Variants in CFAP44 observed in about 807,000 individuals in gnomAD.
The protein encoded by CFAP44 is cilia and flagella associated protein 44.
A neutral mutation model predicts 216.2 loss-of-function variants in CFAP44; 134 were observed. The ratio of observed to expected loss-of-function variants is 0.62; its 90% CI spans 0.54 to 0.72. The LOEUF is 0.72. Among genes scored for constraint, CFAP44 ranks in the 30% least tolerant of loss-of-function variants. CFAP44 has a pLI of 0.00. For missense variants in CFAP44, 2,035 were observed against 2,182.1 expected, an observed-to-expected ratio of 0.93 and a Z score of 1.34; for synonymous variants, 700 against 727.6, an observed-to-expected ratio of 0.96 and a Z score of 0.61.
rs1477986630 is a variant in CFAP44 at position 113,366,078 on chromosome 3, C to T, written c.2676G>A (p.Met892Ile). Reference protein sequence around the residue: ...IFVFNIFSEFMLRKDMKAKVP... With the variant: ...IFVFNIFSEFILRKDMKAKVP... ...CTTTGGCCTTCATGTCTTTCCTTAG[C>T]ATAAATTCAGAAAAAATGTTGAAAA... is the stretch of plus-strand genomic sequence containing the variant. Residue 892 changes from methionine (M) to isoleucine (I), a missense_variant, in exon 19 of 35, where the codon ATG (methionine) becomes ATA (isoleucine). Physicochemically the swap from Met to Ile is conservative, Grantham distance 10 (BLOSUM62 1). Coordinates refer to ENST00000393845, the MANE Select transcript of CFAP44 (RefSeq NM_001164496.2). 6.2e-7 allele frequency: 1 copy of T among 1,613,538 alleles called. No individual in the cohort carries two copies. The highest frequency in any genetic ancestry group is 1.3e-5 in the African/African-American group (1 of 74,884).
chr3:113,381,217 T>C (rs1933499222), intron 15 of CFAP44, among the ~76,000 whole-genome samples, 157 bp from the exon 16 acceptor site: 1 of 152,122 alleles, frequency 6.6e-6, no homozygotes, highest in Admixed American at 6.5e-5. Context: ...TCAAGTTTAT[T>C]AATAATTATT....
chr3:113,403,755 C>A, intron 9 of CFAP44, 97 bp downstream of exon 9: 1 of 1,355,000 alleles, frequency 7.4e-7, no homozygotes, highest in East Asian at 2.5e-5. Flanking sequence ...GACTACTGAT[C>A]TCCTTCACAA....
At chr3:113,294,111 A>T in intron 34 of CFAP44, 2 of 455,070 alleles carry the variant, frequency 4.4e-6, no homozygotes, top group Non-Finnish European at 4.4e-6. Context: ...TGTTAAGTAT[A>T]TAACATAGAG....
intron 2 of CFAP44, among the ~76,000 whole-genome samples, chr3:113,431,640 C>A (rs1019001274): frequency 1.3e-5 from 2 of 152,040 alleles, no homozygotes; most frequent in African/African-American, 2.4e-5. Flanking sequence ...AGGTAGAAAT[C>A]CATGTTGCAA....
At chr3:113,419,455 A>G (rs187582136) in intron 5 of CFAP44, among the ~76,000 whole-genome samples, 13 of 152,332 alleles carry the variant, frequency 8.5e-5, no homozygotes, top group African/African-American at 2.9e-4. Flanking sequence ...TGAACTTATT[A>G]ATTAGTCTTA....
Position 113,338,255 on chromosome 3 carries a change from C to CAAAAAAAAAAAAAAA in CFAP44, c.3437+3474_3437+3488dup, listed in dbSNP as rs10574877. The stretch of plus-strand genomic sequence containing the variant: ...CTGGACAACACACGAGACAATGTCT[C>CAAAAAAAAAAAAAAA]AAAAAAAAAAAAAAAAAAAAAAAAA... On this transcript the variant is annotated intron_variant, in intron 24 of 34. Coordinates refer to ENST00000393845, the MANE Select transcript of CFAP44 (RefSeq NM_001164496.2). 4.6e-4 allele frequency among the ~76,000 whole-genome samples: 20 copies of CAAAAAAAAAAAAAAA among 43,042 alleles called. 1 individual carries two copies. Among genetic ancestry groups the CAAAAAAAAAAAAAAA allele is most frequent in the South Asian group, 1.6e-3 (1 of 620 alleles). The allele number at this position is 43,042 out of a possible 152,430, so 28.2% of individuals were successfully genotyped here.
intron 28 of CFAP44, among the ~76,000 whole-genome samples, chr3:113,312,238 A>ATTTTTTT (rs769734983): frequency 2.5e-4 from 33 of 130,702 alleles, no homozygotes; most frequent in South Asian, 7.5e-4. Flanking sequence ...TGCCTGGCTA[A>ATTTTTTT]TTTTTTTTTT....
intron 16 of CFAP44, among the ~76,000 whole-genome samples, chr3:113,380,371 C>G (rs1933474171): frequency 6.6e-6 from 1 of 152,140 alleles, no homozygotes; most frequent in Non-Finnish European, 1.5e-5. Context: ...ACTCTGCATT[C>G]TCTTGGGATG....
intron 28 of CFAP44, among the ~76,000 whole-genome samples, chr3:113,323,511 T>G (rs1294768232): frequency 6.6e-6 from 1 of 152,128 alleles, no homozygotes; most frequent in Non-Finnish European, 1.5e-5. Context: ...ACTACCTATT[T>G]GGTACTATGC....
At chr3:113,373,357 G>C in intron 18 of CFAP44, 54 bp downstream of exon 18, 1 of 1,388,198 alleles carries the variant, frequency 7.2e-7, no homozygotes, top group Non-Finnish European at 9.5e-7. Flanking sequence ...ATGAACAAAA[G>C]CATAGACACT....
chr3:113,300,203 A>G (rs1008146054), intron 32 of CFAP44, among the ~76,000 whole-genome samples: 3 of 151,880 alleles, frequency 2.0e-5, no homozygotes, highest in African/African-American at 4.9e-5. Context: ...GACAGTTACT[A>G]GAGTCTGGGA....
chr3:113,361,211 G>T, intron 21 of CFAP44: 1 of 203,182 alleles, frequency 4.9e-6, no homozygotes. Context: ...AGCCTTCACT[G>T]GATTGAGAGA....
intron 15 of CFAP44, among the ~76,000 whole-genome samples, chr3:113,386,774 C>T (rs1933663956): frequency 6.6e-6 from 1 of 152,162 alleles, no homozygotes; most frequent in Non-Finnish European, 1.5e-5. Context: ...TTGGTTTTAA[C>T]TTTACATCAC....
chr3:113,345,289 T>C (rs73235067), intron 22 of CFAP44, among the ~76,000 whole-genome samples: 3,596 of 151,808 alleles, frequency 0.024, 67 homozygotes, highest in African/African-American at 0.045. Context: ...AGTGGAAAAA[T>C]AATTTTTAAC....
At chr3:113,343,558 A>G (rs1427563913) in intron 23 of CFAP44, among the ~76,000 whole-genome samples, 1 of 152,236 alleles carries the variant, frequency 6.6e-6, no homozygotes, top group Admixed American at 6.5e-5. Context: ...GGCCTTATAA[A>G]CAAAAGTGTA....
chr3:113,308,170 T>C lies in CFAP44; in HGVS notation c.4615A>G (p.Ile1539Val), dbSNP rs1163468969. The C allele has an allele frequency of 2.3e-5, 36 of 1,533,246 alleles. No homozygotes were observed. The highest frequency in any genetic ancestry group is 1.0e-4 in the Admixed American group (5 of 49,942). The allele number at this position is 1,533,246 out of a possible 1,614,324, so 95.0% of individuals were successfully genotyped here. Residue 1539 changes from isoleucine to valine, a missense_variant, in exon 29 of 35, where the codon ATT becomes GTT. Physicochemically the swap from Ile to Val is conservative, Grantham distance 29. Transcript: ENST00000393845. ...ESEDEVFDDS[I>V]CPTNCDVALF... ...TTATCTAACTTACTTGTTGGGCAAA[T>C]AGAATCATCAAAAACCTCATCTTCT...
chr3:113,426,955 T>C (rs776044660), intron 3 of CFAP44: 1 of 484,398 alleles, frequency 2.1e-6, no homozygotes. Flanking sequence ...TTATACCTTC[T>C]TAAAACCCAG....
intron 28 of CFAP44, among the ~76,000 whole-genome samples, chr3:113,310,145 T>C (rs1261187386): frequency 6.6e-6 from 1 of 152,214 alleles, no homozygotes; most frequent in Non-Finnish European, 1.5e-5. Flanking sequence ...TTATTCATGC[T>C]GGCTGGTAAC....
rs1934140024 is a variant in CFAP44, at chr3:113,401,474, A to G, written c.1326+110T>C. The G allele has an allele frequency of 3.0e-6, 4 of 1,339,692 alleles. No homozygotes were observed. In the Admixed American group the frequency reaches 7.6e-5, roughly 25 times the overall value. 83.0% of individuals were successfully genotyped at this position (1,339,692 alleles called of 1,614,324 possible). A position where few individuals can be genotyped will look rare whatever the true frequency, so the allele number is the denominator to read the frequency against. On this transcript the variant is annotated intron_variant, in intron 10 of 34. Transcript: ENST00000393845. ...TTAGACTAAAGCCACACAATAAGCA[A>G]TCTCATAACACTTACAGTCAAATGG...
Sources: allele counts gnomAD v4.1 joint callset (sites outside exome capture counted in the v4.1 genomes callset), GRCh38; gene constraint gnomAD v4.1.1; transcripts MANE v1.5; gene names NCBI Gene and HGNC (gene_info 2026-07-23, HGNC 2026-07-21).